Variants in GXYLT2 observed in about 807,000 individuals in gnomAD.
GXYLT2 encodes glucoside xylosyltransferase 2.
Under a neutral mutation model 45.8 loss-of-function variants are expected in GXYLT2, and 53 were observed. That is an observed-to-expected ratio of 1.16 (90% confidence interval 0.93 to 1.46). GXYLT2 has a LOEUF of 1.46. GXYLT2 is among the 40% of genes most tolerant of loss of function. The pLI is 0.00. For missense variants in GXYLT2, 551 were observed against 544.4 expected, an observed-to-expected ratio of 1.01 and a Z score of -0.12; for synonymous variants, 219 against 214.2, an observed-to-expected ratio of 1.02 and a Z score of -0.19.
At chr3:72,970,953 A>G (rs1710977357) in intron 6 of GXYLT2, among the ~76,000 whole-genome samples, 1 of 152,204 alleles carries the variant, frequency 6.6e-6, no homozygotes. Context: ...ATTTCCTGCT[A>G]TTTGGTTTTC....
At chr3:72,902,963 G>A (rs1290157266) in intron 1 of GXYLT2, among the ~76,000 whole-genome samples, 3 of 152,148 alleles carry the variant, frequency 2.0e-5, no homozygotes, top group South Asian at 2.1e-4. Flanking sequence ...AGTGAGCTGG[G>A]ATCACACCAT....
At chr3:72,913,685 ACT>A (rs1252833747) in intron 2 of GXYLT2, among the ~76,000 whole-genome samples, 1 of 151,960 alleles carries the variant, frequency 6.6e-6, no homozygotes, top group Non-Finnish European at 1.5e-5. Flanking sequence ...ACAGAGCAAG[ACT>A]CTGTCTCAAA....
intron 3 of GXYLT2, among the ~76,000 whole-genome samples, chr3:72,942,859 T>A (rs766375256): frequency 2.0e-5 from 3 of 152,136 alleles, no homozygotes; most frequent in Non-Finnish European, 4.4e-5. Flanking sequence ...AAGAGGAGAT[T>A]TGTGGAAAAA....
At chr3:72,913,787 T>G (rs1398015656) in intron 2 of GXYLT2, among the ~76,000 whole-genome samples, 5 of 152,198 alleles carry the variant, frequency 3.3e-5, no homozygotes, top group Non-Finnish European at 7.3e-5. Context: ...ATGTTGCCAG[T>G]TTAGCTGCAT....
At chr3:72,918,023 T>C (rs939655437) in intron 2 of GXYLT2, among the ~76,000 whole-genome samples, 8 of 152,128 alleles carry the variant, frequency 5.3e-5, no homozygotes, top group African/African-American at 1.9e-4. Context: ...AAACGCCAGA[T>C]AGTAACTATT....
At chr3:72,959,599 G>T (rs937234163) in intron 5 of GXYLT2, among the ~76,000 whole-genome samples, 1 of 151,870 alleles carries the variant, frequency 6.6e-6, no homozygotes, top group African/African-American at 2.4e-5. Context: ...TGTGACAGTA[G>T]GTCTGCATCT....
chr3:72,914,527 A>ATGTGTG (rs141322523), intron 2 of GXYLT2, among the ~76,000 whole-genome samples: 131 of 149,902 alleles, frequency 8.7e-4, no homozygotes, highest in African/African-American at 2.9e-3. Flanking sequence ...TTACATATAT[A>ATGTGTG]TGTGTGTGTG....
intron 3 of GXYLT2, among the ~76,000 whole-genome samples, chr3:72,930,628 C>G (rs1485168690): frequency 8.0e-6 from 1 of 124,736 alleles, no homozygotes; most frequent in Non-Finnish European, 1.6e-5. Context: ...GGGTTTCACT[C>G]TGTCACCCAG....
chr3:72,971,928 GAC>G (rs1157429017), intron 6 of GXYLT2, among the ~76,000 whole-genome samples: 3 of 149,156 alleles, frequency 2.0e-5, no homozygotes, highest in African/African-American at 7.4e-5. Flanking sequence ...CAGCCTGGGC[GAC>G]AGAGTGACAC....
At chr3:72,956,308 C>T (rs987196274) in intron 4 of GXYLT2, among the ~76,000 whole-genome samples, 1 of 152,112 alleles carries the variant, frequency 6.6e-6, no homozygotes, top group African/African-American at 2.4e-5. Flanking sequence ...TAATTGTTAA[C>T]TGTGGATACG....
intron 3 of GXYLT2, among the ~76,000 whole-genome samples, chr3:72,924,261 A>G (rs1709880125): frequency 6.7e-6 from 1 of 149,206 alleles, no homozygotes; most frequent in African/African-American, 2.5e-5. Context: ...TGGTGCAGTC[A>G]TGGCTTACTG....
intron 3 of GXYLT2, among the ~76,000 whole-genome samples, chr3:72,948,923 C>T (rs1710462629): frequency 6.6e-6 from 1 of 151,062 alleles, no homozygotes; most frequent in Non-Finnish European, 1.5e-5. Context: ...GCCCAGGGAA[C>T]AGAACTTTAC....
chr3:72,905,203 A>C (rs992934717), intron 1 of GXYLT2, among the ~76,000 whole-genome samples: 6 of 151,700 alleles, frequency 4.0e-5, no homozygotes, highest in Non-Finnish European at 7.4e-5. Flanking sequence ...TTGTAACCTC[A>C]GTCTCCCAGG....
At chr3:72,955,443 AT>A (rs1240160635) in intron 4 of GXYLT2, 94 bp downstream of exon 4, 8 of 1,242,766 alleles carry the variant, frequency 6.4e-6, no homozygotes, top group African/African-American at 4.5e-5. Context: ...GATTTTGGAA[AT>A]TGGGTGGCCT....
chr3:72,948,543 A>T (rs563488160), intron 3 of GXYLT2, among the ~76,000 whole-genome samples: 1 of 152,294 alleles, frequency 6.6e-6, no homozygotes, highest in South Asian at 2.1e-4. Context: ...TCACAATGGA[A>T]ATTAAAAATC....
At chr3:72,970,166 C>G (rs952715498) in intron 6 of GXYLT2, among the ~76,000 whole-genome samples, 2 of 152,002 alleles carry the variant, frequency 1.3e-5, no homozygotes, top group Admixed American at 6.6e-5. Flanking sequence ...GCCTGGCCAA[C>G]ATGGTAAAAC....
intron 3 of GXYLT2, among the ~76,000 whole-genome samples, chr3:72,922,952 C>T (rs1341332536): frequency 6.6e-6 from 1 of 151,858 alleles, no homozygotes; most frequent in African/African-American, 2.4e-5. Flanking sequence ...AATCCCATCT[C>T]TACAAAAAAT....
At chr3:72,910,186 T>G (rs1362713120) in intron 2 of GXYLT2, among the ~76,000 whole-genome samples, 1 of 152,156 alleles carries the variant, frequency 6.6e-6, no homozygotes, top group African/African-American at 2.4e-5. Context: ...TTCATCTCAT[T>G]TAATCCTCAT....
At chr3:72,914,527 A>ATGTGTGTG (rs141322523) in intron 2 of GXYLT2, among the ~76,000 whole-genome samples, 2 of 149,824 alleles carry the variant, frequency 1.3e-5, no homozygotes, top group East Asian at 2.0e-4. Flanking sequence ...TTACATATAT[A>ATGTGTGTG]TGTGTGTGTG....
Sources: allele counts gnomAD v4.1 joint callset (sites outside exome capture counted in the v4.1 genomes callset), GRCh38; gene constraint gnomAD v4.1.1; transcripts MANE v1.5; gene names NCBI Gene and HGNC (gene_info 2026-07-23, HGNC 2026-07-21).